Variants in FGD5 observed in about 807,000 individuals in gnomAD.
FGD5 encodes the protein FYVE, RhoGEF and PH domain-containing protein 5.
FGD5 carries 28 observed loss-of-function variants against 133.4 expected under a neutral mutation model. The ratio of observed to expected loss-of-function variants is 0.21; its 90% CI spans 0.16 to 0.29. The LOEUF (loss-of-function observed/expected upper bound fraction) is 0.29. Ranked by LOEUF, FGD5 falls within the 10% of genes least tolerant of loss-of-function variation. The probability of loss-of-function intolerance (pLI) is 1.00; values close to 1 mark genes in which losing one functional copy is unlikely to be tolerated. For synonymous variants in FGD5, 810 were observed against 776.5 expected (o/e 1.04, Z -0.72); for missense variants, 1,858 against 1,895.2 (o/e 0.98, Z 0.36).
intron 10 of FGD5, 31 bp downstream of exon 10, chr3:14,907,742 G>A (rs754876741): frequency 6.2e-7 from 1 of 1,607,668 alleles, no homozygotes; most frequent in Non-Finnish European, 8.5e-7. Flanking sequence ...TAGGGGCAGA[G>A]GGTGGCTGGG....
intron 2 of FGD5, among the ~76,000 whole-genome samples, chr3:14,878,710 G>C (rs1404656928): frequency 6.7e-6 from 1 of 149,494 alleles, no homozygotes; most frequent in African/African-American, 2.5e-5. Context: ...AAACTGCCTA[G>C]TTCCAAAGCC....
chr3:14,853,377 A>G (rs192326471), intron 1 of FGD5, among the ~76,000 whole-genome samples: 66 of 152,206 alleles, frequency 4.3e-4, no homozygotes, highest in South Asian at 1.5e-3. Context: ...TCTTCCAGCT[A>G]TTCTGCTAAT....
chr3:14,822,276 C>T (rs142777425), intron 1 of FGD5, among the ~76,000 whole-genome samples: 13 of 152,250 alleles, frequency 8.5e-5, no homozygotes, highest in African/African-American at 2.9e-4. Flanking sequence ...GCCTCTGAGA[C>T]AGTCACCAAG....
chr3:14,859,718 T>G (rs980719955), intron 1 of FGD5, among the ~76,000 whole-genome samples: 2 of 152,216 alleles, frequency 1.3e-5, no homozygotes, highest in Admixed American at 6.5e-5. Flanking sequence ...CATGCCTGTT[T>G]GAAACTTTGT....
chr3:14,830,294 A>G (rs2036682126), intron 1 of FGD5, among the ~76,000 whole-genome samples: 1 of 152,120 alleles, frequency 6.6e-6, no homozygotes, highest in East Asian at 1.9e-4. Flanking sequence ...TGATGAGAAT[A>G]CTCAGTTTTT....
At chr3:14,932,446 G>A in intron 18 of FGD5, 131 bp from the exon 19 acceptor site, 1 of 1,013,986 alleles carries the variant, frequency 9.9e-7, no homozygotes, top group South Asian at 1.8e-5. Flanking sequence ...CAGTTTGTGT[G>A]TGGTGAGCCC....
chr3:14,900,867 A>C, intron 8 of FGD5, 136 bp from the exon 9 acceptor site: 3 of 892,554 alleles, frequency 3.4e-6, no homozygotes, highest in South Asian at 1.4e-5. Flanking sequence ...CATGCATGAC[A>C]GTGGTCAAAT....
At chr3:14,854,887 T>A (rs1403553338) in intron 1 of FGD5, among the ~76,000 whole-genome samples, 2 of 152,198 alleles carry the variant, frequency 1.3e-5, no homozygotes, top group Non-Finnish European at 2.9e-5. Context: ...TCCTCCTAGC[T>A]ATTTGAAACT....
Position 14,843,964 on chromosome 3 carries a change from G to A in FGD5, c.2526-20164G>A, listed in dbSNP as rs182579691. On this transcript the variant is annotated intron_variant, in intron 1 of 19. Transcript: ENST00000285046. ...CTCGCCTCGGCCTCCCAAAGTGCTG[G>A]GATTACAGGCGTGAGCCACTGCGCC... Among the ~76,000 whole-genome samples the A allele has an allele frequency of 8.4e-4, 127 of 150,998 alleles. 1 individual carries two copies. Among genetic ancestry groups the A allele is most frequent in the Middle Eastern group, 3.4e-3 (1 of 292 alleles).
chr3:14,915,380 C>T (rs1391212363), intron 11 of FGD5, among the ~76,000 whole-genome samples: 1 of 152,254 alleles, frequency 6.6e-6, no homozygotes, highest in African/African-American at 2.4e-5. Context: ...CTTGTTCCAT[C>T]CTTACACATC....
intron 13 of FGD5, among the ~76,000 whole-genome samples, chr3:14,919,434 C>G (rs1055819488): frequency 4.6e-5 from 7 of 152,086 alleles, no homozygotes; most frequent in Admixed American, 2.0e-4. Flanking sequence ...CTGGCTAACA[C>G]AGTGAAACCC....
intron 18 of FGD5, 88 bp from the exon 19 acceptor site, chr3:14,932,489 C>G (rs1396987567): frequency 2.1e-6 from 3 of 1,458,986 alleles, no homozygotes; most frequent in African/African-American, 1.4e-5. Context: ...CACAGAGGCA[C>G]TCTTCACGCA....
At chr3:14,910,953 A>T (rs759053606) in intron 11 of FGD5, 24 bp downstream of exon 11, 25 of 1,604,538 alleles carry the variant, frequency 1.6e-5, no homozygotes, top group Non-Finnish European at 6.0e-6. Context: ...CCCCAAGCCC[A>T]GCTCAGGAAC....
At chr3:14,864,626 A>C (rs9815168) in intron 2 of FGD5, among the ~76,000 whole-genome samples, 2,150 of 152,308 alleles carry the variant, frequency 0.014, 54 homozygotes, top group African/African-American at 0.048. Context: ...AGTGGAAATC[A>C]TGAGGGTGAG....
chr3:14,864,247 G>C lies in FGD5; in HGVS notation c.2645G>C (p.Ser882Thr). The change falls in exon 2 of 20, where the codon AGT becomes ACT. Residue 882 changes from serine (S) to threonine (T), a missense_variant. Transcript: ENST00000285046. ...EEEDSASRDP[S>T]VTHKVEGQSR... ...GAGGACAGTGCTTCAAGAGACCCCA[G>C]TGTCACCCACAAGGTAGGGCACCCC... The C allele has an allele frequency of 6.2e-7, 1 of 1,614,008 alleles. No homozygotes were observed. The highest frequency in any genetic ancestry group is 1.1e-5 in the South Asian group (1 of 91,084).
chr3:14,810,727 G>C, upstream of FGD5: 1 of 867,148 alleles, frequency 1.2e-6, no homozygotes. Context: ...GCGCGCCGGG[G>C]CCGGGCGGGC....
intron 1 of FGD5, among the ~76,000 whole-genome samples, chr3:14,859,888 C>A (rs544711189): frequency 6.6e-6 from 1 of 152,150 alleles, no homozygotes; most frequent in Non-Finnish European, 1.5e-5. Context: ...CCACTCCCCC[C>A]CCAAAAAGGG....
chr3:14,916,672 C>A (rs1208495733), intron 11 of FGD5, among the ~76,000 whole-genome samples: 1 of 152,238 alleles, frequency 6.6e-6, no homozygotes, highest in Non-Finnish European at 1.5e-5. Flanking sequence ...TTTCCAACCT[C>A]CAGAAAGTTC....
intron 9 of FGD5, 48 bp downstream of exon 9, chr3:14,901,109 C>T: frequency 6.3e-7 from 1 of 1,598,024 alleles, no homozygotes; most frequent in South Asian, 1.1e-5. Flanking sequence ...GTTCCAGGCA[C>T]CTCCCCACCA....
Sources: gnomAD v4.1 joint callset for allele counts (sites outside exome capture counted in the v4.1 genomes callset) on GRCh38, gnomAD v4.1.1 for gene constraint, MANE v1.5 for transcripts, NCBI Gene and HGNC (gene_info 2026-07-23, HGNC 2026-07-21) for gene names.